Variants in NINL observed in about 807,000 individuals in gnomAD.
NINL encodes ninein like.
In NINL, 153 loss-of-function variants were observed where a neutral mutation model predicts 160.3. The ratio of observed to expected loss-of-function variants is 0.95; its 90% CI spans 0.84 to 1.09. NINL has a LOEUF of 1.09. Among genes scored for constraint, NINL ranks in the 50% least tolerant of loss-of-function variants. The pLI is 0.00. For missense variants in NINL, 1,829 were observed against 1,764.0 expected (o/e 1.04, Z -0.66); for synonymous variants, 800 against 734.8 (o/e 1.09, Z -1.43).
intron 3 of NINL, among the ~76,000 whole-genome samples, chr20:25,516,993 T>A (rs911804593): frequency 3.3e-5 from 5 of 152,086 alleles, no homozygotes; most frequent in East Asian, 1.9e-4. Context: ...GAATAATGGG[T>A]ATGGTAAGTA....
chr20:25,491,335 C>T lies in NINL; in HGVS notation c.1485+16G>A, dbSNP rs765502023. On this transcript the variant is annotated intron_variant, in intron 11 of 23. Coordinates refer to ENST00000278886, the MANE Select transcript of NINL (RefSeq NM_025176.6). ...GCACCCCCCCAGCTTCCTGGATGCC[C>T]TGGGGATGCCCCTACCTTCAGGGCC... The T allele has an allele frequency of 2.3e-5, 36 of 1,594,358 alleles. No homozygotes were observed. In the Admixed American group the frequency reaches 6.1e-4, roughly 27 times the overall value.
chr20:25,563,215 G>C (rs1294267828), intron 1 of NINL, among the ~76,000 whole-genome samples: 1 of 152,162 alleles, frequency 6.6e-6, no homozygotes, highest in African/African-American at 2.4e-5. Context: ...TCTTATGCTA[G>C]CTGAAGGCAA....
chr20:25,518,664 T>C (rs1396419753), intron 2 of NINL, among the ~76,000 whole-genome samples: 1 of 152,236 alleles, frequency 6.6e-6, no homozygotes, highest in Non-Finnish European at 1.5e-5. Context: ...TCTAATTACA[T>C]TTAATGTGAT....
chr20:25,581,983 C>T (rs1215022466), intron 1 of NINL, among the ~76,000 whole-genome samples: 2 of 152,186 alleles, frequency 1.3e-5, no homozygotes, highest in African/African-American at 2.4e-5. Context: ...TCCGGCCAGG[C>T]GTGGTGGCTC....
At position 25,581,984 on chromosome 20, in the gene NINL, G is replaced by A. The variant is rs1353474265; in HGVS notation, c.-12+3471C>T. Among the ~76,000 whole-genome samples the A allele has an allele frequency of 3.3e-5, 5 of 152,212 alleles. No individual in the cohort carries two copies. The East Asian group carries it at 5.8e-4, about 18-fold the overall frequency. ...AAATTTTGCTCAAGTCCGGCCAGGC[G>A]TGGTGGCTCACGCCTGTAATCCCAG... On this transcript the variant is annotated intron_variant, in intron 1 of 23. Transcript: ENST00000278886.
At chr20:25,531,834 T>C (rs1182037932) in intron 1 of NINL, among the ~76,000 whole-genome samples, 1 of 152,150 alleles carries the variant, frequency 6.6e-6, no homozygotes, top group Non-Finnish European at 1.5e-5. Flanking sequence ...GATCTCTTCA[T>C]CTCCCGGCTG....
intron 7 of NINL, among the ~76,000 whole-genome samples, chr20:25,501,484 G>A (rs1013988190): frequency 6.6e-6 from 1 of 152,170 alleles, no homozygotes; most frequent in African/African-American, 2.4e-5. Context: ...CCCAGGCAGA[G>A]GCGCACACAC....
At chr20:25,462,271 G>A in intron 20 of NINL, 112 bp downstream of exon 20, 3 of 972,774 alleles carry the variant, frequency 3.1e-6, no homozygotes, top group East Asian at 2.6e-5. Context: ...TGCTTGGGAA[G>A]TCCCTCACTT....
At chr20:25,535,622 C>A (rs148723095) in intron 1 of NINL, among the ~76,000 whole-genome samples, 2 of 152,188 alleles carry the variant, frequency 1.3e-5, no homozygotes, top group East Asian at 3.9e-4. Flanking sequence ...CAGAACTGTA[C>A]ACTTAACAAT....
Position 25,498,342 on chromosome 20 carries a change from A to G in NINL, c.1037T>C (p.Leu346Pro). 2 of 1,612,550 alleles carry G rather than the reference A, an allele frequency of 1.2e-6. No individual in the cohort carries two copies. Among genetic ancestry groups the G allele is most frequent in the Non-Finnish European group, 1.7e-6 (2 of 1,179,966 alleles). The change falls in exon 9 of 24, where the codon CTG (leucine) becomes CCG (proline). Residue 346 changes from leucine to proline, a missense_variant. Transcript: ENST00000278886. ...IQNGREILQS[L>P]DFSVDEKVNL... ...CACCTTCTCGTCCACGCTGAAGTCC[A>G]GGCTCTGGAAGCAGCAAGCCTGGTA...
At chr20:25,578,967 CCT>C (rs2065145702) in intron 1 of NINL, among the ~76,000 whole-genome samples, 1 of 151,962 alleles carries the variant, frequency 6.6e-6, no homozygotes, top group Admixed American at 6.6e-5. Context: ...ACAGTGAAAC[CCT>C]GTCTCTAAAA....
chr20:25,573,284 C>T (rs928716724), intron 1 of NINL, among the ~76,000 whole-genome samples: 4 of 139,546 alleles, frequency 2.9e-5, no homozygotes, highest in African/African-American at 1.1e-4. Context: ...GCGCCAAGAG[C>T]AAAACTCCAT....
rs11476992 is a variant in NINL at position 25,577,835 on chromosome 20, CTTTTT to C, written c.-12+7615_-12+7619del. On this transcript the variant is annotated intron_variant, in intron 1 of 23. Coordinates refer to ENST00000278886, the MANE Select transcript of NINL (RefSeq NM_025176.6). ...TTTCTGAAATATTTTCTTTTCTTTTCTTTTTTTTTTTTTTGAGATGGAGTTTCACT... is the reference window on the plus strand; with the variant it reads ...TTTCTGAAATATTTTCTTTTCTTTTCTTTTTTTTTGAGATGGAGTTTCACT... Among the ~76,000 whole-genome samples the C allele has an allele frequency of 1.4e-5, 2 of 141,568 alleles. 1 individual carries two copies. Among genetic ancestry groups the C allele is most frequent in the African/African-American group, 5.2e-5 (2 of 38,674 alleles). The allele number at this position is 141,568 out of a possible 152,430, so 92.9% of individuals were successfully genotyped here.
In NINL at chr20:25,526,372, G is replaced by A. The variant is rs193102060; in HGVS notation, c.180+36C>T. The A allele has an allele frequency of 2.0e-4, 319 of 1,572,674 alleles. No individual in the cohort carries two copies. In the African/African-American group the frequency reaches 3.9e-3, roughly 19 times the overall value. ...CCCATAAGAGCCAACTATAGACCCC[G>A]TGCTTTCCTTTATGACAATGAAGTC... On this transcript the variant is annotated intron_variant, in intron 2 of 23. Coordinates refer to ENST00000278886, the MANE Select transcript of NINL (RefSeq NM_025176.6).
chr20:25,554,315 G>C (rs1423009047), intron 1 of NINL, among the ~76,000 whole-genome samples: 3 of 152,144 alleles, frequency 2.0e-5, no homozygotes, highest in African/African-American at 7.2e-5. Flanking sequence ...TGCCAGAGTG[G>C]ACAGAACATG....
chr20:25,465,331 C>T (rs2062885850), intron 19 of NINL, among the ~76,000 whole-genome samples: 1 of 152,150 alleles, frequency 6.6e-6, no homozygotes, highest in Non-Finnish European at 1.5e-5. Context: ...AAAGAAGCCT[C>T]CAGAAGCCTC....
chr20:25,510,251 C>A (rs999743915), intron 5 of NINL, among the ~76,000 whole-genome samples: 1 of 152,208 alleles, frequency 6.6e-6, no homozygotes, highest in African/African-American at 2.4e-5. Context: ...TGAGACTGCC[C>A]CTGCACAGCA....
In NINL at chr20:25,467,282, C is replaced by G; in HGVS notation, c.3423+107G>C. On this transcript the variant is annotated intron_variant, in intron 19 of 23. Transcript: ENST00000278886. ...GCCAGTCAGCAACTCACTGTCAAGT[C>G]TTTTAGAAGAATATTCTCTACTTCC... The G allele has an allele frequency of 2.9e-6, 3 of 1,034,742 alleles. No individual in the cohort carries two copies. The South Asian group carries it at 3.9e-5, about 13-fold the overall frequency. The allele number at this position is 1,034,742 out of a possible 1,614,324, so 64.1% of individuals were successfully genotyped here. A position where few individuals can be genotyped will look rare whatever the true frequency, so the allele number is the denominator to read the frequency against.
chr20:25,556,699 C>T lies in NINL; in HGVS notation c.-12+28756G>A, dbSNP rs148109547. Among the ~76,000 whole-genome samples, 460 of 150,330 alleles carry T rather than the reference C, an allele frequency of 3.1e-3. 2 individuals carry two copies. Among genetic ancestry groups the T allele is most frequent in the East Asian group, 9.2e-3 (47 of 5,092 alleles). ...GTATATGCCTATGATCCCAACTACG[C>T]GGGAGGCTGAGGTGGGAGGATCACT... On this transcript the variant is annotated intron_variant, in intron 1 of 23. Transcript: ENST00000278886.
Sources: allele counts gnomAD v4.1 joint callset (sites outside exome capture counted in the v4.1 genomes callset), GRCh38; gene constraint gnomAD v4.1.1; transcripts MANE v1.5; gene names NCBI Gene and HGNC (gene_info 2026-07-23, HGNC 2026-07-21).